Variants in DTWD2 observed in about 807,000 individuals in gnomAD.
DTWD2 encodes the protein tRNA-uridine aminocarboxypropyltransferase 2.
Under a neutral mutation model 31.8 loss-of-function variants are expected in DTWD2, and 39 were observed. That is an observed-to-expected ratio of 1.22 (90% confidence interval 0.95 to 1.60). DTWD2 has a LOEUF of 1.60. Among genes scored for constraint, DTWD2 ranks in the 40% most tolerant of loss-of-function variants. The probability of loss-of-function intolerance (pLI) is 0.00; values close to 1 mark genes in which losing one functional copy is unlikely to be tolerated. For missense variants in DTWD2, 515 were observed against 381.5 expected, an observed-to-expected ratio of 1.35 and a Z score of -2.92; for synonymous variants, 180 against 142.8, an observed-to-expected ratio of 1.26 and a Z score of -1.86.
intron 4 of DTWD2, among the ~76,000 whole-genome samples, chr5:118,898,273 G>A (rs1312863566): frequency 1.3e-5 from 2 of 152,094 alleles, no homozygotes; most frequent in South Asian, 2.1e-4. Context: ...CACTTGATAC[G>A]TAATCATTTA....
chr5:118,910,823 C>T (rs1426151720), intron 4 of DTWD2, among the ~76,000 whole-genome samples: 1 of 152,174 alleles, frequency 6.6e-6, no homozygotes, highest in Non-Finnish European at 1.5e-5. Flanking sequence ...AAGGCACCAG[C>T]AGATCTGGTG....
intron 4 of DTWD2, among the ~76,000 whole-genome samples, chr5:118,898,881 T>C (rs188723113): frequency 6.6e-6 from 1 of 152,288 alleles, no homozygotes; most frequent in Non-Finnish European, 1.5e-5. Context: ...GAGAAGTAAA[T>C]ATTTACTCAG....
chr5:118,895,043 CA>C (rs1753052275), intron 4 of DTWD2, among the ~76,000 whole-genome samples: 1 of 151,960 alleles, frequency 6.6e-6, no homozygotes, highest in Non-Finnish European at 1.5e-5. Flanking sequence ...AAAGAACCTC[CA>C]AACTGAAAAG....
chr5:118,978,115 CTTTTTT>C lies in DTWD2; in HGVS notation c.218+10173_218+10178del, dbSNP rs34139721. On this transcript the variant is annotated intron_variant, in intron 1 of 5. Coordinates refer to ENST00000510708, the MANE Select transcript of DTWD2 (RefSeq NM_173666.4). ...CAAGCAATGGGGAAAGGATTCCCTG[CTTTTTT>C]TTTTTTTAACTTTTTTTTACGTGGT... Among the ~76,000 whole-genome samples the C allele has an allele frequency of 1.0e-3, 155 of 148,132 alleles. 1 individual carries two copies. Among genetic ancestry groups the C allele is most frequent in the Non-Finnish European group, 1.7e-3 (113 of 66,674 alleles).
intron 4 of DTWD2, among the ~76,000 whole-genome samples, chr5:118,919,796 T>A: frequency 6.6e-6 from 1 of 152,200 alleles, no homozygotes; most frequent in Non-Finnish European, 1.5e-5. Context: ...AAAGATCATC[T>A]CATATTTATA....
intron 4 of DTWD2, among the ~76,000 whole-genome samples, chr5:118,859,928 GGCAAC>G (rs1752221264): frequency 6.6e-6 from 1 of 151,962 alleles, no homozygotes; most frequent in African/African-American, 2.4e-5. Flanking sequence ...AACCAGCCTA[GGCAAC>G]ATGATAAATC....
At chr5:118,945,690 A>C (rs547158773) in intron 1 of DTWD2, among the ~76,000 whole-genome samples, 48 of 151,582 alleles carry the variant, frequency 3.2e-4, no homozygotes, top group African/African-American at 1.0e-3. Flanking sequence ...GCTTGAACCC[A>C]GGAGATGGAG....
In DTWD2 at chr5:118,949,004, A is replaced by G. The variant is rs183895534; in HGVS notation, c.219-4355T>C. Among the ~76,000 whole-genome samples the G allele has an allele frequency of 5.2e-3, 799 of 152,304 alleles. 11 individuals carry two copies. The highest frequency in any genetic ancestry group is 7.5e-3 in the Non-Finnish European group (513 of 68,022). ...GCCAGACACGATCAGCAGGGAGAGAACGTGTGTTTTTATTAAGAATTATGC... is the reference window on the plus strand; with the variant it reads ...GCCAGACACGATCAGCAGGGAGAGAGCGTGTGTTTTTATTAAGAATTATGC... On this transcript the variant is annotated intron_variant, in intron 1 of 5. Coordinates refer to ENST00000510708, the MANE Select transcript of DTWD2 (RefSeq NM_173666.4).
intron 4 of DTWD2, among the ~76,000 whole-genome samples, chr5:118,849,129 G>C (rs913364941): frequency 1.3e-5 from 2 of 152,162 alleles, no homozygotes; most frequent in Admixed American, 1.3e-4. Context: ...CTGTCCATCT[G>C]ACAAAGGGCT....
At chr5:118,952,259 G>C (rs565586100) in intron 1 of DTWD2, among the ~76,000 whole-genome samples, 5 of 152,176 alleles carry the variant, frequency 3.3e-5, no homozygotes, top group Admixed American at 2.0e-4. Flanking sequence ...TCCGAGTCAC[G>C]GCACCAAATG....
intron 1 of DTWD2, among the ~76,000 whole-genome samples, chr5:118,955,165 T>G (rs1485400786): frequency 2.0e-5 from 3 of 152,264 alleles, no homozygotes; most frequent in African/African-American, 7.2e-5. Context: ...TGATTTTATA[T>G]GCTCACAAAA....
chr5:118,974,639 T>C (rs768472884), intron 1 of DTWD2: 1 of 506,560 alleles, frequency 2.0e-6, no homozygotes, highest in Non-Finnish European at 4.0e-6. Flanking sequence ...AGCTGTACTA[T>C]AAGTAGTTGG....
intron 3 of DTWD2, 83 bp downstream of exon 3, chr5:118,939,113 C>A: frequency 7.5e-7 from 1 of 1,338,514 alleles, no homozygotes; most frequent in Non-Finnish European, 1.0e-6. Flanking sequence ...CATGAATAAG[C>A]TGAAAGAAAT....
chr5:118,884,601 A>T (rs1050745873), intron 4 of DTWD2, among the ~76,000 whole-genome samples: 1 of 152,208 alleles, frequency 6.6e-6, no homozygotes. Context: ...GCCAATTAAA[A>T]TTTTTTTAAT....
chr5:118,886,369 A>G (rs1752867863), intron 4 of DTWD2, among the ~76,000 whole-genome samples: 1 of 152,262 alleles, frequency 6.6e-6, no homozygotes, highest in Non-Finnish European at 1.5e-5. Context: ...CAACTATTAA[A>G]GCATGAAATA....
At chr5:118,854,198 T>C (rs1371215960) in intron 4 of DTWD2, among the ~76,000 whole-genome samples, 2 of 152,164 alleles carry the variant, frequency 1.3e-5, no homozygotes, top group African/African-American at 2.4e-5. Flanking sequence ...GAGAAATCTA[T>C]AAAAAGTGCT....
intron 4 of DTWD2, among the ~76,000 whole-genome samples, chr5:118,922,353 T>C (rs1753722246): frequency 6.6e-6 from 1 of 152,248 alleles, no homozygotes; most frequent in Non-Finnish European, 1.5e-5. Context: ...TTCTGATTTT[T>C]GTTTCCTTTC....
chr5:118,897,876 TTC>T (rs1753117133), intron 4 of DTWD2, among the ~76,000 whole-genome samples: 1 of 152,310 alleles, frequency 6.6e-6, no homozygotes, highest in African/African-American at 2.4e-5. Flanking sequence ...ATTAAATAAT[TTC>T]TTTTTTTTGA....
chr5:118,885,743 GC>G (rs1752848609), intron 4 of DTWD2, among the ~76,000 whole-genome samples: 1 of 150,754 alleles, frequency 6.6e-6, no homozygotes, highest in Admixed American at 6.6e-5. Flanking sequence ...TCCAGCCTGG[GC>G]AAAAAGAGTG....
Sources: gnomAD v4.1 joint callset for allele counts (sites outside exome capture counted in the v4.1 genomes callset) on GRCh38, gnomAD v4.1.1 for gene constraint, MANE v1.5 for transcripts, NCBI Gene and HGNC (gene_info 2026-07-23, HGNC 2026-07-21) for gene names.